Variants in PLBD1 observed in about 807,000 individuals in gnomAD.
PLBD1 encodes phospholipase B domain containing 1, also known as lysosomal leucine aminopeptidase.
Under a neutral mutation model 63.0 loss-of-function variants are expected in PLBD1, and 60 were observed. The observed-to-expected ratio is 0.95, with a 90% CI of 0.77 to 1.18. The LOEUF (loss-of-function observed/expected upper bound fraction) is 1.18. Among genes scored for constraint, PLBD1 ranks in the 50% most tolerant of loss-of-function variants. The pLI is 0.00. For synonymous variants in PLBD1, 262 were observed against 248.0 expected, an observed-to-expected ratio of 1.06 and a Z score of -0.53; for missense variants, 598 against 677.9, an observed-to-expected ratio of 0.88 and a Z score of 1.31.
intron 6 of PLBD1, among the ~76,000 whole-genome samples, chr12:14,520,213 G>T (rs1207026726): frequency 6.6e-6 from 1 of 152,180 alleles, no homozygotes; most frequent in Admixed American, 6.5e-5. Flanking sequence ...GAGGACAAAG[G>T]TAAGAGCTGG....
At chr12:14,531,711 A>G (rs1945463797) in intron 6 of PLBD1, among the ~76,000 whole-genome samples, 1 of 152,082 alleles carries the variant, frequency 6.6e-6, no homozygotes, top group Non-Finnish European at 1.5e-5. Flanking sequence ...GCTCCCTGCA[A>G]CCTCTGCTTC....
Position 14,507,583 on chromosome 12 carries a change from C to T in PLBD1, c.1187-465G>A, listed in dbSNP as rs1490344479. Among the ~76,000 whole-genome samples, 3 of 152,132 alleles carry T rather than the reference C, an allele frequency of 2.0e-5. No homozygotes were observed. The East Asian group carries it at 5.8e-4, about 29-fold the overall frequency. On this transcript the variant is annotated intron_variant, in intron 8 of 10. Coordinates refer to ENST00000240617, the MANE Select transcript of PLBD1 (RefSeq NM_024829.6). ...AGAACATAGCACTGGGAATAGAAAG[C>T]CTGAATTCTAGGCTCAGGGCTTAAG... is the stretch of plus-strand genomic sequence containing the variant.
In PLBD1 at chr12:14,504,652, T is replaced by C. The variant is rs571941540; in HGVS notation, c.1480-698A>G. ...TGCTCAAAGTAATGCCTAGAATAGA[T>C]GAAGTTCTTAGAAAAAGTTGTTATT... On this transcript the variant is annotated intron_variant, in intron 10 of 10. Transcript: ENST00000240617. Among the ~76,000 whole-genome samples, 5 of 152,282 alleles carry C rather than the reference T, an allele frequency of 3.3e-5. No individual in the cohort carries two copies. In the East Asian group the frequency reaches 9.6e-4, roughly 29 times the overall value.
At chr12:14,516,261 G>A (rs1319270078) in intron 6 of PLBD1, among the ~76,000 whole-genome samples, 10 of 152,066 alleles carry the variant, frequency 6.6e-5, no homozygotes, top group Admixed American at 3.9e-4. Context: ...CCCAGGAGGC[G>A]GAGGCTGCAG....
intron 1 of PLBD1, among the ~76,000 whole-genome samples, chr12:14,556,329 C>A (rs149391204): frequency 6.3e-4 from 96 of 152,152 alleles, no homozygotes; most frequent in African/African-American, 2.2e-3. Context: ...TAAATATTTA[C>A]ACAGGGTTAT....
rs1326163882 is a variant in PLBD1, at chr12:14,567,685, G to A, written c.12C>T (p.Gly4=). Residue 4 remains glycine, a synonymous_variant, in exon 1 of 11, where the codon GGC becomes GGT. Coordinates refer to ENST00000240617, the MANE Select transcript of PLBD1 (RefSeq NM_024829.6). ...GCAGCCCCGGGCGCCCGCCCGGACC[G>A]CCGCGGGTCATCGCTCCACGGCCGC... is the stretch of plus-strand genomic sequence containing the variant. The part of the protein sequence containing the change: MTR[G]GPGGRPGLPQ... 2 of 1,462,654 alleles carry A rather than the reference G, an allele frequency of 1.4e-6. No homozygotes were observed. Among genetic ancestry groups the A allele is most frequent in the East Asian group, 2.8e-5 (1 of 35,226 alleles). 90.6% of individuals were successfully genotyped at this position (1,462,654 alleles called of 1,614,324 possible). A position where few individuals can be genotyped will look rare whatever the true frequency, so the allele number is the denominator to read the frequency against.
At chr12:14,550,390 A>G (rs1280038952) in intron 2 of PLBD1, among the ~76,000 whole-genome samples, 4 of 152,222 alleles carry the variant, frequency 2.6e-5, no homozygotes, top group African/African-American at 7.2e-5. Flanking sequence ...ATTTGCAAGA[A>G]GTCTTTTTGT....
At chr12:14,509,650 A>G (rs1945281340) in intron 8 of PLBD1, among the ~76,000 whole-genome samples, 3 of 152,130 alleles carry the variant, frequency 2.0e-5, no homozygotes, top group African/African-American at 7.2e-5. Context: ...TACAAAGTCA[A>G]TTTGGGGACC....
intron 2 of PLBD1, among the ~76,000 whole-genome samples, chr12:14,546,491 A>C (rs1945617616): frequency 6.6e-6 from 1 of 152,158 alleles, no homozygotes. Flanking sequence ...CTCCACCCAG[A>C]GTTCCAGATC....
chr12:14,549,648 A>C (rs1463012525), intron 2 of PLBD1, among the ~76,000 whole-genome samples: 2 of 151,676 alleles, frequency 1.3e-5, no homozygotes, highest in Non-Finnish European at 2.9e-5. Context: ...GTTCAACTGG[A>C]GCTTCCACTC....
chr12:14,567,621 GCA>G lies in PLBD1; in HGVS notation c.74_75del (p.Leu25ProfsTer26), dbSNP rs1945804058. The G allele has an allele frequency of 3.4e-5, 5 of 148,924 alleles. No homozygotes were observed. The Admixed American group carries it at 7.0e-4, about 21-fold the overall frequency. 9.2% of individuals were successfully genotyped at this position (148,924 alleles called of 1,614,324 possible). ...PPPLLLLLLL[L>X]PLLLVTAEPP... ...GGCTCCGCGGTGACTAACAACAGCG[GCA>G]GCAGCAGCAGCAGCAGCAGAAGCGG... On this transcript the variant is annotated frameshift_variant, in exon 1 of 11. Coordinates refer to ENST00000240617, the MANE Select transcript of PLBD1 (RefSeq NM_024829.6). LOFTEE classifies it high-confidence loss of function.
Position 14,546,152 on chromosome 12 carries a change from T to C in PLBD1, c.336-3861A>G, listed in dbSNP as rs1945614509. Among the ~76,000 whole-genome samples, 4 of 151,952 alleles carry C rather than the reference T, an allele frequency of 2.6e-5. No individual in the cohort carries two copies. The South Asian group carries it at 8.3e-4, about 32-fold the overall frequency. ...GCCTTGGCAACATGGCAAAACCCTG[T>C]CTCTACTAAAAATACAAAAAGCCAG... On this transcript the variant is annotated intron_variant, in intron 2 of 10. Coordinates refer to ENST00000240617, the MANE Select transcript of PLBD1 (RefSeq NM_024829.6).
At chr12:14,535,974 A>C (rs1945510784) in intron 5 of PLBD1, 171 bp from the exon 6 acceptor site, 1 of 597,346 alleles carries the variant, frequency 1.7e-6, no homozygotes, top group Admixed American at 3.6e-5. Context: ...ATGTGGCCCC[A>C]AACAGACTCT....
chr12:14,566,818 G>A (rs965475897), intron 1 of PLBD1, among the ~76,000 whole-genome samples: 3 of 151,322 alleles, frequency 2.0e-5, no homozygotes, highest in African/African-American at 7.3e-5. Context: ...AAAAACTGCC[G>A]GGCGCGGTGG....
chr12:14,562,323 G>A (rs569763573), intron 1 of PLBD1, among the ~76,000 whole-genome samples: 3 of 152,058 alleles, frequency 2.0e-5, no homozygotes, highest in South Asian at 2.1e-4. Flanking sequence ...AGCCAGGTGC[G>A]GTGGCACATG....
chr12:14,556,989 C>CAAAAAA (rs71038607), intron 1 of PLBD1, among the ~76,000 whole-genome samples: 14 of 76,282 alleles, frequency 1.8e-4, no homozygotes, highest in South Asian at 6.9e-4. Context: ...AATTCCCTCT[C>CAAAAAA]AAAAAAAAAA....
chr12:14,565,270 A>C (rs1337477820), intron 1 of PLBD1, among the ~76,000 whole-genome samples: 1 of 152,062 alleles, frequency 6.6e-6, no homozygotes, highest in Non-Finnish European at 1.5e-5. Flanking sequence ...GTTCGAGACT[A>C]GTCTGTCCAA....
At chr12:14,509,416 C>G (rs1318002559) in intron 8 of PLBD1, among the ~76,000 whole-genome samples, 1 of 152,168 alleles carries the variant, frequency 6.6e-6, no homozygotes. Context: ...CTCTTAGGAG[C>G]TGGGTTCTCT....
In PLBD1 at chr12:14,567,458, C is replaced by T. The variant is rs745512110; in HGVS notation, c.115+124G>A. The T allele has an allele frequency of 4.7e-4, 621 of 1,317,964 alleles. 8 individuals carry two copies. The highest frequency in any genetic ancestry group is 3.2e-4 in the Admixed American group (8 of 25,310). The allele number at this position is 1,317,964 out of a possible 1,614,324, so 81.6% of individuals were successfully genotyped here. A position where few individuals can be genotyped will look rare whatever the true frequency, so the allele number is the denominator to read the frequency against. ...GAGACCGCCGGCCGGAGGCGCGTTT[C>T]TCTGAGTTCACCCAGGAACCAGACG... On this transcript the variant is annotated intron_variant, in intron 1 of 10. Transcript: ENST00000240617.
Sources: allele counts gnomAD v4.1 joint callset (sites outside exome capture counted in the v4.1 genomes callset), GRCh38; gene constraint gnomAD v4.1.1; transcripts MANE v1.5; gene names NCBI Gene and HGNC (gene_info 2026-07-23, HGNC 2026-07-21).